Variants in SLC25A26 observed in about 807,000 individuals in gnomAD.
SLC25A26 encodes mitochondrial S-adenosylmethionine carrier protein.
Under a neutral mutation model 37.8 loss-of-function variants are expected in SLC25A26, and 36 were observed. That is an observed-to-expected ratio of 0.95 (90% CI 0.73 to 1.26). The LOEUF (loss-of-function observed/expected upper bound fraction) is 1.26, where lower values mean the gene tolerates loss of function less well. Ranked by LOEUF, SLC25A26 falls within the 50% of genes most tolerant of loss-of-function variation. The pLI, the probability that SLC25A26 is intolerant of heterozygous loss-of-function variation, is 0.00. For missense variants in SLC25A26, 390 were observed against 331.1 expected (o/e 1.18, Z -1.38); for synonymous variants, 129 against 122.5 (o/e 1.05, Z -0.35).
At chr3:66,246,625 A>G (rs1050622763) in intron 3 of SLC25A26, among the ~76,000 whole-genome samples, 2 of 152,198 alleles carry the variant, frequency 1.3e-5, no homozygotes, top group African/African-American at 4.8e-5. Flanking sequence ...TTAGGAAACA[A>G]GTATCCATGA....
Position 66,315,545 on chromosome 3 carries a change from C to G in SLC25A26, c.454-30819C>G, listed in dbSNP as rs114306699. Among the ~76,000 whole-genome samples the G allele has an allele frequency of 2.9e-3, 436 of 152,032 alleles. 2 individuals carry two copies. The highest frequency in any genetic ancestry group is 0.01 in the African/African-American group (425 of 41,490). ...CACAAGTGATTTTCTTCCAATTGTG[C>G]GATCAGTTTTAGAGTGCCATGTGGC... On this transcript the variant is annotated intron_variant, in intron 5 of 9. Coordinates refer to ENST00000354883, the MANE Select transcript of SLC25A26 (RefSeq NM_001379210.1).
rs74557830 is a variant in SLC25A26, at chr3:66,326,979, G to A, written c.454-19385G>A. On this transcript the variant is annotated intron_variant, in intron 5 of 9. Transcript: ENST00000354883. ...CTGCTGCTTTGTGGTTTCAGGTAGAGACTCTCATGTTTAAAAATGGAAAAG... is the reference window on the plus strand; with the variant it reads ...CTGCTGCTTTGTGGTTTCAGGTAGAAACTCTCATGTTTAAAAATGGAAAAG... Among the ~76,000 whole-genome samples, 453 of 152,278 alleles carry A rather than the reference G, an allele frequency of 3.0e-3. 3 individuals carry two copies. The highest frequency in any genetic ancestry group is 0.016 in the East Asian group (81 of 5,176).
chr3:66,207,044 G>GT (rs1219338633), intron 1 of SLC25A26, among the ~76,000 whole-genome samples: 7 of 151,856 alleles, frequency 4.6e-5, no homozygotes, highest in Non-Finnish European at 8.8e-5. Context: ...ACCTGGCCTA[G>GT]TTACAGGTTC....
intron 1 of SLC25A26, among the ~76,000 whole-genome samples, chr3:66,166,686 C>T (rs2070429091): frequency 6.6e-6 from 1 of 152,194 alleles, no homozygotes; most frequent in African/African-American, 2.4e-5. Context: ...CAGCTTAGCA[C>T]TCCCTTTTCC....
intron 1 of SLC25A26, among the ~76,000 whole-genome samples, chr3:66,234,903 C>G (rs1303718749): frequency 6.6e-6 from 1 of 152,026 alleles, no homozygotes; most frequent in African/African-American, 2.4e-5. Context: ...GTTCTGATTT[C>G]AAAATATAGC....
intron 5 of SLC25A26, among the ~76,000 whole-genome samples, chr3:66,321,441 C>T (rs1303362596): frequency 6.6e-6 from 1 of 152,148 alleles, no homozygotes; most frequent in Non-Finnish European, 1.5e-5. Context: ...GTATGGAGTG[C>T]TGATAGTTGG....
chr3:66,194,860 C>G (rs911927970), intron 1 of SLC25A26, among the ~76,000 whole-genome samples: 37 of 152,340 alleles, frequency 2.4e-4, no homozygotes, highest in African/African-American at 8.7e-4. Flanking sequence ...CTCGGCCTCC[C>G]AAAGTGCTGG....
At chr3:66,157,777 T>C (rs986878629) in intron 1 of SLC25A26, among the ~76,000 whole-genome samples, 2 of 152,222 alleles carry the variant, frequency 1.3e-5, no homozygotes, top group African/African-American at 2.4e-5. Flanking sequence ...GTATCCTTCA[T>C]TTTAAACATT....
intron 5 of SLC25A26, among the ~76,000 whole-genome samples, chr3:66,267,915 A>G (rs1172898484): frequency 6.6e-6 from 1 of 152,212 alleles, no homozygotes; most frequent in Non-Finnish European, 1.5e-5. Context: ...TCAGCGATCA[A>G]GCGTCAAGGA....
chr3:66,135,023 G>T (rs983877509), intron 1 of SLC25A26, among the ~76,000 whole-genome samples: 2 of 151,926 alleles, frequency 1.3e-5, no homozygotes, highest in Non-Finnish European at 2.9e-5. Context: ...TACAGACGGG[G>T]TTTCACCATG....
At chr3:66,154,670 A>G (rs1423864723) in intron 1 of SLC25A26, among the ~76,000 whole-genome samples, 2 of 150,834 alleles carry the variant, frequency 1.3e-5, no homozygotes, top group African/African-American at 4.9e-5. Context: ...TTTAGTAGAG[A>G]TGGGGTTTCA....
intron 6 of SLC25A26, among the ~76,000 whole-genome samples, chr3:66,360,267 C>G (rs1207805045): frequency 6.6e-6 from 1 of 152,132 alleles, no homozygotes; most frequent in Non-Finnish European, 1.5e-5. Context: ...TGTCAGACCA[C>G]TCTCAGAAAG....
At chr3:66,193,752 T>C (rs1222584796) in intron 1 of SLC25A26, among the ~76,000 whole-genome samples, 2 of 152,150 alleles carry the variant, frequency 1.3e-5, no homozygotes, top group African/African-American at 4.8e-5. Flanking sequence ...AACACAGTCA[T>C]TGAAAAGACA....
At chr3:66,134,976 A>G (rs1576587762) in intron 1 of SLC25A26, among the ~76,000 whole-genome samples, 1 of 151,924 alleles carries the variant, frequency 6.6e-6, no homozygotes, top group Admixed American at 6.6e-5. Flanking sequence ...GATTATAGGC[A>G]CCTACCACAA....
chr3:66,156,473 A>G (rs1434576927), intron 1 of SLC25A26, among the ~76,000 whole-genome samples: 3 of 152,154 alleles, frequency 2.0e-5, no homozygotes, highest in African/African-American at 7.2e-5. Flanking sequence ...GGGAAGGGTT[A>G]TTTTGATTGC....
At chr3:66,174,293 G>C (rs2070542299) in intron 1 of SLC25A26, among the ~76,000 whole-genome samples, 1 of 152,172 alleles carries the variant, frequency 6.6e-6, no homozygotes, top group African/African-American at 2.4e-5. Flanking sequence ...TAAGTTTACA[G>C]AGCTTAGAAC....
At chr3:66,305,859 C>G (rs923159495) in intron 5 of SLC25A26, among the ~76,000 whole-genome samples, 6 of 152,186 alleles carry the variant, frequency 3.9e-5, no homozygotes, top group African/African-American at 1.4e-4. Flanking sequence ...CTGGTTCTTG[C>G]TCTTTGAGGA....
intron 7 of SLC25A26, among the ~76,000 whole-genome samples, chr3:66,367,986 G>A (rs2076862384): frequency 6.6e-6 from 1 of 152,222 alleles, no homozygotes; most frequent in Non-Finnish European, 1.5e-5. Flanking sequence ...CCTAAGGTGT[G>A]TGACATTCAG....
At chr3:66,235,405 C>T (rs1038082990) in intron 1 of SLC25A26, among the ~76,000 whole-genome samples, 2 of 152,136 alleles carry the variant, frequency 1.3e-5, no homozygotes, top group African/African-American at 4.8e-5. Flanking sequence ...AACATGGTAT[C>T]TCTTGGGAGA....
Sources: allele counts gnomAD v4.1 joint callset (sites outside exome capture counted in the v4.1 genomes callset), GRCh38; gene constraint gnomAD v4.1.1; transcripts MANE v1.5; gene names NCBI Gene and HGNC (gene_info 2026-07-23, HGNC 2026-07-21).